Variants in FOXP2 observed in about 807,000 individuals in gnomAD.
The protein encoded by FOXP2 is forkhead box protein P2.
In FOXP2, 12 loss-of-function variants were observed where a neutral mutation model predicts 115.8. The ratio of observed to expected loss-of-function variants is 0.10; its 90% CI spans 0.07 to 0.17. The LOEUF (loss-of-function observed/expected upper bound fraction) is 0.17, where lower values mean the gene tolerates loss of function less well. FOXP2 is among the 10% of genes least tolerant of loss of function. FOXP2 has a pLI of 1.00. For synonymous variants in FOXP2, 328 were observed against 297.7 expected (o/e 1.10, Z -1.05); for missense variants, 629 against 843.5 (o/e 0.75, Z 3.15).
At chr7:114,379,163 G>T (rs1166131812) in intron 2 of FOXP2, among the ~76,000 whole-genome samples, 1 of 152,166 alleles carries the variant, frequency 6.6e-6, no homozygotes, top group East Asian at 1.9e-4. Flanking sequence ...CCCAAAGGGG[G>T]TTGCTGTTGC....
intron 3 of FOXP2, among the ~76,000 whole-genome samples, chr7:114,553,738 G>T (rs1486879752): frequency 1.3e-5 from 2 of 152,042 alleles, no homozygotes; most frequent in African/African-American, 4.8e-5. Context: ...AAACAAGCTG[G>T]ATCCTTTAAA....
chr7:114,667,967 C>G (rs988099228), intron 16 of FOXP2: 1 of 152,044 alleles, frequency 6.6e-6, no homozygotes, highest in Non-Finnish European at 1.5e-5. Context: ...AAAAGAAATA[C>G]TGGAACAAGA....
At chr7:114,254,362 C>A (rs1365571922) in intron 1 of FOXP2, among the ~76,000 whole-genome samples, 2 of 152,158 alleles carry the variant, frequency 1.3e-5, no homozygotes, top group African/African-American at 4.8e-5. Flanking sequence ...TGGGGAAGTT[C>A]TCCTGGATAA....
intron 2 of FOXP2, among the ~76,000 whole-genome samples, chr7:114,342,392 C>T (rs1489558758): frequency 2.0e-5 from 3 of 151,192 alleles, no homozygotes; most frequent in Admixed American, 6.6e-5. Flanking sequence ...CCAAGAATAG[C>T]CTATCATATC....
chr7:114,290,961 C>T (rs1200754834), intron 2 of FOXP2, among the ~76,000 whole-genome samples: 1 of 152,056 alleles, frequency 6.6e-6, no homozygotes. Flanking sequence ...TCATTTCAAT[C>T]GTTGACTGTA....
chr7:114,120,729 C>A lies in FOXP2; in HGVS notation c.-247+32891C>A, dbSNP rs550827990. On this transcript the variant is annotated intron_variant, in intron 1 of 19. Transcript: ENST00000635638. ...GTGTGTGTGTGTGTATATATATGTA[C>A]ACATGAACCAATTTAGTCCTGACCG... Among the ~76,000 whole-genome samples, 29 of 150,196 alleles carry A rather than the reference C, an allele frequency of 1.9e-4. 1 individual carries two copies. The highest frequency in any genetic ancestry group is 6.9e-3 in the Middle Eastern group (2 of 288).
intron 1 of FOXP2, among the ~76,000 whole-genome samples, chr7:114,252,484 T>C (rs945931639): frequency 6.6e-6 from 1 of 152,214 alleles, no homozygotes; most frequent in East Asian, 1.9e-4. Flanking sequence ...GTTATTGGTC[T>C]ATTCAGAGAT....
chr7:114,510,278 A>G (rs1444730918), intron 2 of FOXP2, among the ~76,000 whole-genome samples: 1 of 152,152 alleles, frequency 6.6e-6, no homozygotes, highest in Non-Finnish European at 1.5e-5. Context: ...TTCATTTTCC[A>G]TGACTGATAT....
chr7:114,574,149 T>C (rs1050918481), intron 3 of FOXP2, among the ~76,000 whole-genome samples: 10 of 151,794 alleles, frequency 6.6e-5, no homozygotes, highest in African/African-American at 2.4e-4. Flanking sequence ...AGTAATTGTA[T>C]GCACTTATCT....
intron 2 of FOXP2, among the ~76,000 whole-genome samples, chr7:114,387,518 A>C (rs1792482899): frequency 6.6e-6 from 1 of 152,116 alleles, no homozygotes; most frequent in South Asian, 2.1e-4. Flanking sequence ...CCTTTTATTT[A>C]GGTTTTTTGG....
At chr7:114,654,117 C>T (rs1053184500) in intron 10 of FOXP2, 108 bp downstream of exon 10, 436 of 1,588,564 alleles carry the variant, frequency 2.7e-4, no homozygotes, top group Non-Finnish European at 3.5e-4. Context: ...ATGAAAAATA[C>T]GGCAATAAAA....
intron 2 of FOXP2, among the ~76,000 whole-genome samples, chr7:114,386,622 A>T (rs1397801188): frequency 6.6e-6 from 1 of 152,194 alleles, no homozygotes; most frequent in East Asian, 1.9e-4. Context: ...TGAAGGTGTC[A>T]CACTGAACCA....
At chr7:114,268,229 A>T (rs1353472240) in intron 1 of FOXP2, among the ~76,000 whole-genome samples, 2 of 152,210 alleles carry the variant, frequency 1.3e-5, no homozygotes, top group Non-Finnish European at 2.9e-5. Flanking sequence ...GTGGACATGA[A>T]CATGTAAATT....
At chr7:114,544,199 T>C (rs544302303) in intron 3 of FOXP2, among the ~76,000 whole-genome samples, 9 of 152,052 alleles carry the variant, frequency 5.9e-5, no homozygotes, top group Non-Finnish European at 1.2e-4. Flanking sequence ...GTGTCTTGAG[T>C]GTGAAGAGAC....
intron 2 of FOXP2, among the ~76,000 whole-genome samples, chr7:114,294,814 C>T (rs919987338): frequency 6.6e-6 from 1 of 151,850 alleles, no homozygotes; most frequent in Non-Finnish European, 1.5e-5. Context: ...GCATTCCAGC[C>T]TGGGCAACAG....
At chr7:114,105,557 A>G (rs1404878089) in intron 1 of FOXP2, among the ~76,000 whole-genome samples, 1 of 152,080 alleles carries the variant, frequency 6.6e-6, no homozygotes, top group Non-Finnish European at 1.5e-5. Context: ...AACTAGCCAG[A>G]TGCAGTTTCT....
At chr7:114,515,790 G>A in intron 2 of FOXP2, among the ~76,000 whole-genome samples, 1 of 152,092 alleles carries the variant, frequency 6.6e-6, no homozygotes, top group Admixed American at 6.5e-5. Context: ...TGAAGTCCTT[G>A]CTCATGCCTA....
At chr7:114,213,289 G>C (rs1794404682) in intron 1 of FOXP2, among the ~76,000 whole-genome samples, 1 of 152,144 alleles carries the variant, frequency 6.6e-6, no homozygotes, top group South Asian at 2.1e-4. Flanking sequence ...GCATCTGGAG[G>C]CTGCACCAGG....
At chr7:114,293,355 G>T (rs1277194306) in intron 2 of FOXP2, among the ~76,000 whole-genome samples, 1 of 151,896 alleles carries the variant, frequency 6.6e-6, no homozygotes. Flanking sequence ...GACTTGCTCT[G>T]GGGGAGGCTG....
Sources: allele counts gnomAD v4.1 joint callset (sites outside exome capture counted in the v4.1 genomes callset), GRCh38; gene constraint gnomAD v4.1.1; transcripts MANE v1.5; gene names NCBI Gene and HGNC (gene_info 2026-07-23, HGNC 2026-07-21).